ATP10A: variants seen among roughly 807,000 people sequenced by gnomAD.
The protein encoded by ATP10A is phospholipid-transporting ATPase VA.
In ATP10A, 111 loss-of-function variants were observed where a neutral mutation model predicts 147.8. The ratio of observed to expected loss-of-function variants is 0.75; its 90% CI spans 0.64 to 0.88. The LOEUF is 0.88. Among genes scored for constraint, ATP10A ranks in the 40% least tolerant of loss-of-function variants. The probability of loss-of-function intolerance (pLI) is 0.00; values close to 1 mark genes in which losing one functional copy is unlikely to be tolerated. For synonymous variants in ATP10A, 875 were observed against 841.6 expected (o/e 1.04, Z -0.69); for missense variants, 1,927 against 1,959.0 (o/e 0.98, Z 0.31).
chr15:25,766,394 A>G (rs557584315), intron 2 of ATP10A, among the ~76,000 whole-genome samples: 3 of 152,264 alleles, frequency 2.0e-5, no homozygotes, highest in African/African-American at 7.2e-5. Context: ...TCTCCATGCC[A>G]TGCTGTAGCC....
At chr15:25,749,722 T>C (rs965028341) in intron 2 of ATP10A, among the ~76,000 whole-genome samples, 2 of 152,120 alleles carry the variant, frequency 1.3e-5, no homozygotes, top group Non-Finnish European at 2.9e-5. Context: ...AAAATGACAT[T>C]AAAGCAGTAA....
intron 1 of ATP10A, among the ~76,000 whole-genome samples, chr15:25,815,635 T>C (rs1013287609): frequency 2.7e-5 from 4 of 146,150 alleles, no homozygotes; most frequent in Non-Finnish European, 6.1e-5. Flanking sequence ...TCACACAGAC[T>C]AAAACCAAAC....
intron 9 of ATP10A, among the ~76,000 whole-genome samples, chr15:25,715,480 A>G (rs994492510): frequency 3.3e-5 from 5 of 152,112 alleles, no homozygotes; most frequent in Non-Finnish European, 7.3e-5. Context: ...GCCATCTCTC[A>G]CCCTTCATTT....
chr15:25,812,018 C>T (rs577527761), intron 1 of ATP10A, among the ~76,000 whole-genome samples: 2 of 152,218 alleles, frequency 1.3e-5, no homozygotes, highest in Non-Finnish European at 2.9e-5. Context: ...TCTCACCCAG[C>T]GCACGCTCCC....
chr15:25,676,841 C>T (rs1474880492), downstream of ATP10A, among the ~76,000 whole-genome samples: 3 of 152,176 alleles, frequency 2.0e-5, no homozygotes, highest in South Asian at 4.2e-4. Flanking sequence ...GAATGCATGT[C>T]TTGTCATATT....
chr15:25,673,713 G>A (rs1203881192), downstream of ATP10A, among the ~76,000 whole-genome samples: 4 of 151,204 alleles, frequency 2.6e-5, no homozygotes, highest in Non-Finnish European at 5.9e-5. Context: ...AGACTGCCAT[G>A]CCCAGAAGTC....
intron 2 of ATP10A, among the ~76,000 whole-genome samples, chr15:25,742,292 GAGGCTCACGCCTC>G (rs979644685): frequency 2.6e-5 from 4 of 152,220 alleles, no homozygotes; most frequent in African/African-American, 9.6e-5. Flanking sequence ...TGGCTTCTGG[GAGGCTCACGCCTC>G]AGAGAAACTG....
At chr15:25,863,923 C>T (rs1350788177), upstream of ATP10A, among the ~76,000 whole-genome samples, 3 of 152,182 alleles carry the variant, frequency 2.0e-5, no homozygotes, top group Non-Finnish European at 4.4e-5. Context: ...CCTTCCTCTC[C>T]TAAATAAATT....
At chr15:25,832,967 T>A (rs1052416731) in intron 1 of ATP10A, among the ~76,000 whole-genome samples, 10 of 151,548 alleles carry the variant, frequency 6.6e-5, no homozygotes, top group African/African-American at 1.5e-4. Flanking sequence ...TACATTTTTT[T>A]AATCTATTTT....
intron 15 of ATP10A, 32 bp from the exon 16 acceptor site, chr15:25,687,860 G>C (rs1369155782): frequency 6.2e-7 from 1 of 1,613,526 alleles, no homozygotes; most frequent in Non-Finnish European, 8.5e-7. Context: ...TGTTACTGGT[G>C]ATGCCGACCT....
chr15:25,681,014 A>T lies in ATP10A; in HGVS notation c.3553T>A (p.Cys1185Ser). ...MADAAFQSLVCFSIPYLAYYD... is the reference protein window; with the variant it reads ...MADAAFQSLVSFSIPYLAYYD... ...CTTACCAGGTAAGGAATGGAAAAGC[A>T]AACCAGGCTCTGGAAGGCGGCGTCG... Residue 1185 changes from cysteine to serine, a missense_variant, in exon 18 of 21, where the codon TGC (cysteine) becomes AGC (serine). Transcript: ENST00000555815. 6.2e-7 allele frequency: 1 copy of T among 1,614,186 alleles called. No homozygotes were observed. The highest frequency in any genetic ancestry group is 8.5e-7 in the Non-Finnish European group (1 of 1,180,010).
intron 13 of ATP10A, among the ~76,000 whole-genome samples, chr15:25,695,455 C>T (rs1231433039): frequency 2.0e-5 from 3 of 152,042 alleles, no homozygotes; most frequent in East Asian, 2.0e-4. Flanking sequence ...GGTGAAACCC[C>T]GTCTCTACTA....
At chr15:25,737,437 C>T (rs1250517940) in intron 2 of ATP10A, among the ~76,000 whole-genome samples, 1 of 152,188 alleles carries the variant, frequency 6.6e-6, no homozygotes, top group Admixed American at 6.5e-5. Flanking sequence ...TATTCTTTCT[C>T]TCTAAGAAAA....
chr15:25,846,873 T>C (rs1893046047), intron 1 of ATP10A, among the ~76,000 whole-genome samples: 1 of 152,192 alleles, frequency 6.6e-6, no homozygotes, highest in Non-Finnish European at 1.5e-5. Context: ...TCAATAGATA[T>C]AAGATATTTA....
At chr15:25,689,043 A>G (rs1369311717) in intron 15 of ATP10A, among the ~76,000 whole-genome samples, 2 of 152,206 alleles carry the variant, frequency 1.3e-5, no homozygotes, top group African/African-American at 2.4e-5. Context: ...CAGTGTTAAA[A>G]AGAGGCTGAT....
At chr15:25,850,271 C>T (rs1431173367) in intron 1 of ATP10A, among the ~76,000 whole-genome samples, 1 of 152,154 alleles carries the variant, frequency 6.6e-6, no homozygotes, top group African/African-American at 2.4e-5. Context: ...GCCTCCCCAG[C>T]TCGCTCTCTC....
chr15:25,715,852 G>A (rs900204434), intron 9 of ATP10A, among the ~76,000 whole-genome samples: 1 of 152,130 alleles, frequency 6.6e-6, no homozygotes, highest in Non-Finnish European at 1.5e-5. Context: ...AGAGTCGGGG[G>A]CTGGGAGGTC....
chr15:25,804,225 T>A (rs1371594549), intron 1 of ATP10A, among the ~76,000 whole-genome samples: 1 of 151,524 alleles, frequency 6.6e-6, no homozygotes, highest in Non-Finnish European at 1.5e-5. Flanking sequence ...TGTGTGTGTG[T>A]CTATATGTGT....
chr15:25,831,558 A>G (rs1892358050), intron 1 of ATP10A, among the ~76,000 whole-genome samples: 3 of 152,202 alleles, frequency 2.0e-5, no homozygotes, highest in African/African-American at 7.2e-5. Flanking sequence ...CAGTCTTCAC[A>G]GATTCAGCTA....
Sources: allele counts gnomAD v4.1 joint callset (sites outside exome capture counted in the v4.1 genomes callset), GRCh38; gene constraint gnomAD v4.1.1; transcripts MANE v1.5; gene names NCBI Gene and HGNC (gene_info 2026-07-23, HGNC 2026-07-21).